Variants in RAB38 observed in about 807,000 individuals in gnomAD.
RAB38 encodes the protein RAB38, member RAS oncogene family.
In RAB38, 15 loss-of-function variants were observed where a neutral mutation model predicts 18.4. That is an observed-to-expected ratio of 0.82 (90% CI 0.55 to 1.26). RAB38 has a LOEUF of 1.26. RAB38 is among the 50% of genes most tolerant of loss of function. The pLI, the probability that RAB38 is intolerant of heterozygous loss-of-function variation, is 0.00. For synonymous variants in RAB38, 101 were observed against 104.4 expected (o/e 0.97, Z 0.20); for missense variants, 294 against 267.4 (o/e 1.10, Z -0.69).
chr11:87,952,945 A>G, the RAB38 span, among the ~76,000 whole-genome samples: 1 of 151,540 alleles, frequency 6.6e-6, no homozygotes, highest in Admixed American at 6.6e-5. Flanking sequence ...AGTATTTTTC[A>G]TGTTTTAAAT....
the RAB38 span, among the ~76,000 whole-genome samples, chr11:87,812,470 A>G: frequency 6.6e-6 from 1 of 152,204 alleles, no homozygotes; most frequent in Non-Finnish European, 1.5e-5. Flanking sequence ...ATGTAGTCGT[A>G]TGTTTTGGTT....
chr11:87,810,804 G>A, the RAB38 span, among the ~76,000 whole-genome samples: 4 of 146,812 alleles, frequency 2.7e-5, no homozygotes, highest in African/African-American at 2.5e-5. Flanking sequence ...TGAATAGAAG[G>A]AAAAAAAAAA....
At chr11:87,813,378 C>A in the RAB38 span, among the ~76,000 whole-genome samples, 87 of 152,126 alleles carry the variant, frequency 5.7e-4, no homozygotes, top group African/African-American at 2.1e-3. Context: ...ATTACTTTCT[C>A]TCCTTTCAGG....
At chr11:87,894,763 TCATA>T in the RAB38 span, among the ~76,000 whole-genome samples, 1 of 146,774 alleles carries the variant, frequency 6.8e-6, no homozygotes, top group African/African-American at 2.5e-5. Context: ...ACATTATATA[TCATA>T]TATATGTACA....
chr11:88,013,230 G>T, the RAB38 span, among the ~76,000 whole-genome samples: 2 of 152,140 alleles, frequency 1.3e-5, no homozygotes, highest in African/African-American at 4.8e-5. Context: ...TTAGGAACAG[G>T]CATAGAAAAT....
At chr11:87,819,375 A>G in the RAB38 span, among the ~76,000 whole-genome samples, 1 of 152,142 alleles carries the variant, frequency 6.6e-6, no homozygotes, top group Non-Finnish European at 1.5e-5. Flanking sequence ...TCATATCTGC[A>G]GATAGTGTGG....
intron 1 of RAB38, among the ~76,000 whole-genome samples, chr11:88,160,282 C>T (rs903610910): frequency 6.6e-6 from 1 of 152,096 alleles, no homozygotes; most frequent in Non-Finnish European, 1.5e-5. Context: ...GATACCATCT[C>T]ACACCAGTCA....
the RAB38 span, among the ~76,000 whole-genome samples, chr11:87,977,636 T>G: frequency 1.7e-5 from 2 of 118,716 alleles, no homozygotes; most frequent in South Asian, 2.5e-4. Flanking sequence ...GTATATTATA[T>G]AATTATATAA....
chr11:88,149,698 C>T lies in RAB38; in HGVS notation c.460G>A (p.Gly154Arg). ...DQFCKEHGFV[G>R]WFETSAKENI... ...ACCTTTGCTGATGTTTCAAACCATC[C>T]TACGAAACCGTGCTCCTTGCAGAAC... Residue 154 changes from glycine (G) to arginine (R), a missense_variant, in exon 2 of 3, where the codon GGA (glycine) becomes AGA (arginine). Physicochemically the swap from Gly to Arg is moderately radical, Grantham distance 125 (BLOSUM62 -2). Coordinates refer to ENST00000243662, the MANE Select transcript of RAB38 (RefSeq NM_022337.3). 6.2e-7 allele frequency: 1 copy of T among 1,611,678 alleles called. No homozygotes were observed. Among genetic ancestry groups the T allele is most frequent in the East Asian group, 2.2e-5 (1 of 44,820 alleles).
chr11:87,863,699 G>A, the RAB38 span, among the ~76,000 whole-genome samples: 7 of 151,626 alleles, frequency 4.6e-5, no homozygotes, highest in Non-Finnish European at 1.0e-4. Flanking sequence ...GCTTGATCCC[G>A]TATTTTTAAA....
intron 2 of RAB38, among the ~76,000 whole-genome samples, chr11:88,138,749 A>G (rs1942864751): frequency 6.6e-6 from 1 of 151,542 alleles, no homozygotes; most frequent in Non-Finnish European, 1.5e-5. Context: ...TTAAACATGC[A>G]TTTTATACAT....
chr11:88,022,620 A>AAAAAAAC, the RAB38 span, among the ~76,000 whole-genome samples: 1 of 145,132 alleles, frequency 6.9e-6, no homozygotes, highest in Non-Finnish European at 1.5e-5. Flanking sequence ...ACAAAAAAAA[A>AAAAAAAC]AAAAAAAAAA....
At chr11:88,053,323 T>C in the RAB38 span, among the ~76,000 whole-genome samples, 3 of 118,832 alleles carry the variant, frequency 2.5e-5, no homozygotes, top group Admixed American at 2.0e-4. Flanking sequence ...AATATATATA[T>C]ACACACACAT....
chr11:88,061,960 T>G, the RAB38 span: 1 of 152,252 alleles, frequency 6.6e-6, no homozygotes, highest in Admixed American at 6.5e-5. Flanking sequence ...GTTCAAGAAT[T>G]TTTTATTTCA....
At chr11:87,823,060 G>A in the RAB38 span, among the ~76,000 whole-genome samples, 7 of 152,010 alleles carry the variant, frequency 4.6e-5, no homozygotes, top group Admixed American at 4.6e-4. Context: ...AAAACTTGAC[G>A]AACCTACAAA....
At chr11:87,915,626 C>T in the RAB38 span, among the ~76,000 whole-genome samples, 1 of 152,120 alleles carries the variant, frequency 6.6e-6, no homozygotes, top group African/African-American at 2.4e-5. Context: ...ATAATCCACC[C>T]CTTGTTTAGT....
At chr11:88,028,559 G>C in the RAB38 span, among the ~76,000 whole-genome samples, 1 of 152,168 alleles carries the variant, frequency 6.6e-6, no homozygotes, top group African/African-American at 2.4e-5. Flanking sequence ...TGAAAGCCAA[G>C]GCTCGAAAAC....
chr11:87,847,702 T>G, the RAB38 span, among the ~76,000 whole-genome samples: 1 of 152,046 alleles, frequency 6.6e-6, no homozygotes, highest in African/African-American at 2.4e-5. Context: ...TGCTTTGGTT[T>G]CATGACCAAA....
chr11:88,174,311 C>T (rs1192194248), intron 1 of RAB38, among the ~76,000 whole-genome samples: 2 of 152,162 alleles, frequency 1.3e-5, no homozygotes, highest in Non-Finnish European at 2.9e-5. Flanking sequence ...ACATTGCACC[C>T]TCACTTTTGA....
Sources: gnomAD v4.1 joint callset for allele counts (sites outside exome capture counted in the v4.1 genomes callset) on GRCh38, gnomAD v4.1.1 for gene constraint, MANE v1.5 for transcripts, NCBI Gene and HGNC (gene_info 2026-07-23, HGNC 2026-07-21) for gene names.